TLN2: variants seen among roughly 807,000 people sequenced by gnomAD.
The protein encoded by TLN2 is talin 2, also known as talin-2.
A neutral mutation model predicts 294.7 loss-of-function variants in TLN2; 118 were observed. The ratio of observed to expected loss-of-function variants is 0.40; its 90% CI spans 0.34 to 0.47. The LOEUF (loss-of-function observed/expected upper bound fraction) is 0.47. Among genes scored for constraint, TLN2 ranks in the 20% least tolerant of loss-of-function variants. The pLI is 0.84. For missense variants in TLN2, 3,083 were observed against 3,282.2 expected (o/e 0.94, Z 1.48); for synonymous variants, 1,431 against 1,304.5 (o/e 1.10, Z -2.09).
chr15:62,734,495 G>A (rs1022507773), intron 28 of TLN2, among the ~76,000 whole-genome samples: 5 of 152,146 alleles, frequency 3.3e-5, no homozygotes, highest in South Asian at 4.1e-4. Context: ...TACATCTGGC[G>A]CTTTTCTGAG....
intron 1 of TLN2, among the ~76,000 whole-genome samples, chr15:62,517,184 T>C (rs1381833205): frequency 3.3e-5 from 5 of 152,208 alleles, no homozygotes; most frequent in Non-Finnish European, 5.9e-5. Context: ...CTTTGTGCCT[T>C]GGAGTCCCCA....
chr15:62,803,117 T>A (rs150296795), intron 50 of TLN2, among the ~76,000 whole-genome samples: 1 of 152,222 alleles, frequency 6.6e-6, no homozygotes, highest in Non-Finnish European at 1.5e-5. Flanking sequence ...AATGTTTTTT[T>A]CCTTCAGGAC....
chr15:62,831,551 C>G (rs568439865), intron 54 of TLN2: 33 of 152,044 alleles, frequency 2.2e-4, no homozygotes, highest in African/African-American at 8.0e-4. Flanking sequence ...TCCTTTTATA[C>G]GAGAGTGTCT....
intron 1 of TLN2, among the ~76,000 whole-genome samples, chr15:62,583,428 C>G (rs118011870): frequency 4.6e-5 from 7 of 151,924 alleles, no homozygotes; most frequent in Non-Finnish European, 7.4e-5. Context: ...CATAGTTGGT[C>G]TAGAGACAAA....
intron 1 of TLN2, among the ~76,000 whole-genome samples, chr15:62,534,757 A>C (rs559946339): frequency 6.6e-6 from 1 of 152,282 alleles, no homozygotes; most frequent in East Asian, 1.9e-4. Context: ...CCTAGTCATC[A>C]GTCATCTTAC....
intron 2 of TLN2, among the ~76,000 whole-genome samples, chr15:62,612,565 T>C (rs778940970): frequency 1.3e-5 from 2 of 152,204 alleles, no homozygotes; most frequent in Non-Finnish European, 2.9e-5. Context: ...TAAGGGCTTT[T>C]AGTAACTGGA....
At chr15:62,746,152 A>G (rs2061596690) in intron 32 of TLN2, among the ~76,000 whole-genome samples, 1 of 135,504 alleles carries the variant, frequency 7.4e-6, no homozygotes, top group Admixed American at 7.5e-5. Flanking sequence ...TATAGCAACA[A>G]GGTTTTTTAA....
At chr15:62,748,316 T>TC in intron 32 of TLN2, 35 bp from the exon 33 acceptor site, 1 of 1,298,680 alleles carries the variant, frequency 7.7e-7, no homozygotes, top group Non-Finnish European at 1.1e-6. Flanking sequence ...CTGTTGATCT[T>TC]CAAAAAAAAA....
At chr15:62,394,339 C>T (rs186029153) in intron 1 of TLN2, among the ~76,000 whole-genome samples, 2 of 151,954 alleles carry the variant, frequency 1.3e-5, no homozygotes, top group African/African-American at 2.4e-5. Context: ...TTTGAGTGGT[C>T]GTTGGCCAGT....
At chr15:62,681,214 C>T (rs1355781833) in intron 11 of TLN2, among the ~76,000 whole-genome samples, 1 of 152,130 alleles carries the variant, frequency 6.6e-6, no homozygotes, top group Non-Finnish European at 1.5e-5. Flanking sequence ...ACATCAGTAA[C>T]AGATTTCTCA....
chr15:62,835,497 C>A, intron 55 of TLN2: 1 of 576,816 alleles, frequency 1.7e-6, no homozygotes, highest in Non-Finnish European at 3.1e-6. Context: ...CTAAGTGGAG[C>A]CATTCTTAGC....
chr15:62,587,746 A>G (rs1038783186), intron 1 of TLN2, among the ~76,000 whole-genome samples: 2 of 152,208 alleles, frequency 1.3e-5, no homozygotes, highest in Non-Finnish European at 2.9e-5. Context: ...TGCTGACATA[A>G]TCTCCCAGGT....
intron 22 of TLN2, among the ~76,000 whole-genome samples, chr15:62,715,535 G>A (rs1475645219): frequency 2.6e-5 from 4 of 152,254 alleles, no homozygotes; most frequent in African/African-American, 9.6e-5. Context: ...ATTACCATTA[G>A]CCTTCCCCTG....
At chr15:62,429,611 A>C (rs532328059) in intron 1 of TLN2, among the ~76,000 whole-genome samples, 8 of 152,240 alleles carry the variant, frequency 5.3e-5, no homozygotes, top group Admixed American at 3.9e-4. Context: ...GTAGTCTGGA[A>C]GTTTTCTTTA....
At chr15:62,788,289 C>T (rs1328715635) in intron 45 of TLN2, among the ~76,000 whole-genome samples, 1 of 151,850 alleles carries the variant, frequency 6.6e-6, no homozygotes, top group Non-Finnish European at 1.5e-5. Flanking sequence ...CCAGCCTAGA[C>T]AAAAAGAGCG....
intron 1 of TLN2, among the ~76,000 whole-genome samples, chr15:62,450,543 A>ATG (rs1477361778): frequency 4.0e-3 from 221 of 55,154 alleles, no homozygotes; most frequent in African/African-American, 0.012. Context: ...GTATGTATGT[A>ATG]TGTATGTGTG....
intron 1 of TLN2, among the ~76,000 whole-genome samples, chr15:62,410,033 G>A (rs1011604834): frequency 6.6e-6 from 1 of 152,168 alleles, no homozygotes; most frequent in Non-Finnish European, 1.5e-5. Flanking sequence ...CACGAGGTCA[G>A]GAGTTCAAGA....
At chr15:62,603,307 A>G (rs1323116137) in intron 2 of TLN2, among the ~76,000 whole-genome samples, 1 of 152,298 alleles carries the variant, frequency 6.6e-6, no homozygotes, top group African/African-American at 2.4e-5. Context: ...AATGTGTGTA[A>G]GCAAATGTGT....
intron 1 of TLN2, among the ~76,000 whole-genome samples, chr15:62,447,166 TA>T (rs2035864092): frequency 9.4e-5 from 2 of 21,358 alleles, no homozygotes; most frequent in South Asian, 3.1e-3. Context: ...TTTATTTATT[TA>T]TTTGTTTATT....
Sources: gnomAD v4.1 joint callset for allele counts (sites outside exome capture counted in the v4.1 genomes callset) on GRCh38, gnomAD v4.1.1 for gene constraint, MANE v1.5 for transcripts, NCBI Gene and HGNC (gene_info 2026-07-23, HGNC 2026-07-21) for gene names.